The following PTPN13 variants were observed in gnomAD, a reference collection of about 807,000 sequenced individuals.
PTPN13 encodes protein tyrosine phosphatase non-receptor type 13.
A neutral mutation model predicts 284.0 loss-of-function variants in PTPN13; 191 were observed. The ratio of observed to expected loss-of-function variants is 0.67; its 90% CI spans 0.60 to 0.76. The LOEUF (loss-of-function observed/expected upper bound fraction) is 0.76, where lower values mean the gene tolerates loss of function less well. PTPN13 is among the 30% of genes least tolerant of loss of function. The pLI, the probability that PTPN13 is intolerant of heterozygous loss-of-function variation, is 0.00. For synonymous variants in PTPN13, 986 were observed against 1,022.3 expected, an observed-to-expected ratio of 0.96 and a Z score of 0.68; for missense variants, 2,797 against 2,939.9, an observed-to-expected ratio of 0.95 and a Z score of 1.12.
intron 2 of PTPN13, among the ~76,000 whole-genome samples, chr4:86,646,651 A>G (rs975072407): frequency 6.6e-6 from 1 of 152,218 alleles, no homozygotes; most frequent in Non-Finnish European, 1.5e-5. Flanking sequence ...ATACAGCTTT[A>G]CATTTGGGAA....
chr4:86,701,891 T>A, intron 7 of PTPN13, 90 bp downstream of exon 7: 1 of 1,304,440 alleles, frequency 7.7e-7, no homozygotes, highest in South Asian at 1.7e-5. Context: ...ATTCCACAAG[T>A]CTTATTTTCA....
chr4:86,672,747 A>G (rs17011978), intron 3 of PTPN13, among the ~76,000 whole-genome samples: 8,116 of 152,282 alleles, frequency 0.053, 301 homozygotes, highest in African/African-American at 0.085. Flanking sequence ...AAAAAAATTA[A>G]CCATTAGAAG....
chr4:86,736,982 G>C (rs936711644), intron 15 of PTPN13, among the ~76,000 whole-genome samples: 1 of 152,094 alleles, frequency 6.6e-6, no homozygotes, highest in Non-Finnish European at 1.5e-5. Context: ...ATATTATGTT[G>C]TTTTTGAAAT....
chr4:86,617,777 T>A (rs1720738045), intron 1 of PTPN13, among the ~76,000 whole-genome samples: 1 of 152,170 alleles, frequency 6.6e-6, no homozygotes, highest in Non-Finnish European at 1.5e-5. Context: ...TTGATGGGGT[T>A]TTTTTTCTTG....
Position 86,785,888 on chromosome 4 carries a change from A to G in PTPN13, c.6297A>G (p.Thr2099=). The change falls in exon 40 of 48, where the codon ACA becomes ACG. Residue 2099 remains threonine (T), a synonymous_variant. Transcript: ENST00000411767. The stretch of plus-strand genomic sequence containing the variant: ...ATGGGAAGTTATCAGAAGAGAGAAC[A>G]GAAGATACAGACTGCGATGGTTCAC... The part of the protein sequence containing the change: ...KMNGKLSEER[T]EDTDCDGSPL... 1.3e-6 allele frequency: 2 copies of G among 1,569,718 alleles called. No individual in the cohort carries two copies. Among genetic ancestry groups the G allele is most frequent in the Non-Finnish European group, 8.7e-7 (1 of 1,155,300 alleles).
chr4:86,605,924 A>G (rs1764700051), intron 1 of PTPN13, among the ~76,000 whole-genome samples: 1 of 151,886 alleles, frequency 6.6e-6, no homozygotes, highest in Admixed American at 6.6e-5. Context: ...AAGTTGAATA[A>G]GTTGAACAGT....
chr4:86,758,843 T>C, intron 22 of PTPN13, 58 bp downstream of exon 22: 1 of 1,589,122 alleles, frequency 6.3e-7, no homozygotes, highest in Admixed American at 1.8e-5. Context: ...ATTTAGGAAC[T>C]TAGGCCAAAC....
intron 7 of PTPN13, among the ~76,000 whole-genome samples, chr4:86,704,121 T>C (rs1436389529): frequency 2.6e-5 from 4 of 151,984 alleles, no homozygotes; most frequent in African/African-American, 9.7e-5. Flanking sequence ...GAGGTGGAGG[T>C]TGCAGTGAAC....
chr4:86,638,308 C>T (rs1387214045), intron 2 of PTPN13, among the ~76,000 whole-genome samples: 1 of 152,122 alleles, frequency 6.6e-6, no homozygotes, highest in Non-Finnish European at 1.5e-5. Context: ...TGACTTTCTT[C>T]CCAGAATAGG....
intron 47 of PTPN13, 132 bp from the exon 48 acceptor site, chr4:86,814,324 T>G (rs1745567347): frequency 1.7e-6 from 1 of 600,062 alleles, no homozygotes; most frequent in Admixed American, 3.2e-5. Flanking sequence ...TTTCTTGCAT[T>G]CAACATTCTA....
chr4:86,780,968 AT>A (rs1168343054), intron 36 of PTPN13, among the ~76,000 whole-genome samples: 2 of 152,198 alleles, frequency 1.3e-5, no homozygotes, highest in African/African-American at 2.4e-5. Context: ...GGAAGGAAGC[AT>A]TTAGGGGAAC....
Position 86,678,976 on chromosome 4 carries a change from T to C in PTPN13, c.294+6433T>C, listed in dbSNP as rs565134841. On this transcript the variant is annotated intron_variant, in intron 3 of 47. Transcript: ENST00000411767. ...AAAACCCATATATAATCTTGTTCTA[T>C]TCCTGTTTAAAATTATTCAGATTCT... is the stretch of plus-strand genomic sequence containing the variant. Among the ~76,000 whole-genome samples the C allele has an allele frequency of 2.0e-5, 3 of 152,306 alleles. No individual in the cohort carries two copies. In the South Asian group the frequency reaches 6.2e-4, roughly 32 times the overall value.
At chr4:86,632,801 C>CTTTAAAAAAAT (rs1311709650) in intron 1 of PTPN13, among the ~76,000 whole-genome samples, 4 of 151,860 alleles carry the variant, frequency 2.6e-5, no homozygotes, top group Non-Finnish European at 5.9e-5. Flanking sequence ...AAAACTTACC[C>CTTTAAAAAAAT]TTTAAAAAAA....
At chr4:86,716,010 A>T (rs1479984416) in intron 7 of PTPN13, among the ~76,000 whole-genome samples, 1 of 152,232 alleles carries the variant, frequency 6.6e-6, no homozygotes, top group African/African-American at 2.4e-5. Flanking sequence ...GGAACTAAGC[A>T]TTCTGTGTCA....
chr4:86,766,639 A>G (rs1739348611), intron 27 of PTPN13, 122 bp downstream of exon 27: 2 of 620,158 alleles, frequency 3.2e-6, no homozygotes, highest in South Asian at 3.1e-5. Flanking sequence ...AGCCTGATAT[A>G]TATAACCATC....
At chr4:86,650,025 A>G (rs375171604) in intron 2 of PTPN13, among the ~76,000 whole-genome samples, 60 of 152,008 alleles carry the variant, frequency 3.9e-4, no homozygotes, top group African/African-American at 1.4e-3. Context: ...TTGCTCTCTC[A>G]CCCCGGCTGG....
rs749497750 is a variant in PTPN13 at position 86,780,385 on chromosome 4, CT to C, written c.5892-10del. 9 of 1,596,604 alleles carry C rather than the reference CT, an allele frequency of 5.6e-6. No homozygotes were observed. The highest frequency in any genetic ancestry group is 1.1e-5 in the South Asian group (1 of 87,912). On this transcript the variant is annotated splice_polypyrimidine_tract_variant and intron_variant, in intron 35 of 47. Coordinates refer to ENST00000411767, the MANE Select transcript of PTPN13 (RefSeq NM_080683.3). ...AATGTCCAAGACAATTTACAGTTGTCTTTTTTTACAACACAGAAATGATCTT... is the reference window on the plus strand; with the variant it reads ...AATGTCCAAGACAATTTACAGTTGTCTTTTTTACAACACAGAAATGATCTT...
chr4:86,699,489 C>T (rs752100232), intron 6 of PTPN13, among the ~76,000 whole-genome samples: 2 of 151,954 alleles, frequency 1.3e-5, no homozygotes, highest in Non-Finnish European at 2.9e-5. Context: ...TATGACAACA[C>T]CATCAGCCAA....
At position 86,757,762 on chromosome 4, in the gene PTPN13, C is replaced by CAAAAAAAAAAAAAAAAA. The variant is rs542129918; in HGVS notation, c.3224-482_3224-481insAAAAAAAAAAAAAAAAA. Among the ~76,000 whole-genome samples, 59 of 112,476 alleles carry CAAAAAAAAAAAAAAAAA rather than the reference C, an allele frequency of 5.2e-4. 1 individual carries two copies. Among genetic ancestry groups the CAAAAAAAAAAAAAAAAA allele is most frequent in the African/African-American group, 1.7e-3 (49 of 28,444 alleles). 73.8% of individuals were successfully genotyped at this position (112,476 alleles called of 152,430 possible). A position where few individuals can be genotyped will look rare whatever the true frequency, so the allele number is the denominator to read the frequency against. On this transcript the variant is annotated intron_variant, in intron 20 of 47. Transcript: ENST00000411767. The stretch of plus-strand genomic sequence containing the variant: ...TGAGTAGCAAAGCAAGACTCTGTCT[C>CAAAAAAAAAAAAAAAAA]AAAAAAAAAAAAAAAATCCAGTTTC...
Sources: allele counts gnomAD v4.1 joint callset (sites outside exome capture counted in the v4.1 genomes callset), GRCh38; gene constraint gnomAD v4.1.1; transcripts MANE v1.5; gene names NCBI Gene and HGNC (gene_info 2026-07-23, HGNC 2026-07-21).